RPS6KC1: variants seen among roughly 807,000 people sequenced by gnomAD.
RPS6KC1 encodes the protein ribosomal protein S6 kinase C1, also known as inactive ribosomal protein S6 kinase delta-1.
RPS6KC1 carries 54 observed loss-of-function variants against 103.8 expected under a neutral mutation model. That is an observed-to-expected ratio of 0.52 (90% CI 0.42 to 0.65). The LOEUF is 0.65. RPS6KC1 is among the 30% of genes least tolerant of loss of function. The pLI is 0.00. For synonymous variants in RPS6KC1, 439 were observed against 438.7 expected (o/e 1.00, Z -0.01); for missense variants, 1,151 against 1,253.8 (o/e 0.92, Z 1.24).
the RPS6KC1 span, among the ~76,000 whole-genome samples, chr1:213,356,106 G>A: frequency 6.6e-6 from 1 of 152,190 alleles, no homozygotes; most frequent in African/African-American, 2.4e-5. Context: ...AGATAGACGA[G>A]GTCCCTGAAT....
chr1:213,082,146 C>A (rs564249868), intron 3 of RPS6KC1, among the ~76,000 whole-genome samples: 60 of 152,000 alleles, frequency 3.9e-4, no homozygotes, highest in Admixed American at 7.9e-4. Context: ...TTGGGCCCGG[C>A]ACGGTGGCTC....
the RPS6KC1 span, among the ~76,000 whole-genome samples, chr1:213,373,754 T>A: frequency 0.17 from 26,061 of 152,190 alleles, 2,442 homozygotes; most frequent in Middle Eastern, 0.24. Flanking sequence ...AATAAAAAAG[T>A]AGCCTATTGC....
intron 5 of RPS6KC1, among the ~76,000 whole-genome samples, chr1:213,123,210 G>T (rs761824841): frequency 7.9e-5 from 12 of 152,090 alleles, no homozygotes; most frequent in Non-Finnish European, 1.3e-4. Flanking sequence ...AGACATATTT[G>T]GTATAGAAAA....
the RPS6KC1 span, among the ~76,000 whole-genome samples, chr1:213,728,596 G>A: frequency 1.3e-5 from 2 of 152,142 alleles, no homozygotes; most frequent in African/African-American, 2.4e-5. Context: ...TACTCTAAGA[G>A]GAAAAGTGAG....
At chr1:213,521,029 A>G in the RPS6KC1 span, among the ~76,000 whole-genome samples, 2 of 152,224 alleles carry the variant, frequency 1.3e-5, no homozygotes, top group Non-Finnish European at 2.9e-5. Flanking sequence ...TGATATGAAT[A>G]CACATTTTAA....
the RPS6KC1 span, among the ~76,000 whole-genome samples, chr1:213,511,200 T>C: frequency 6.6e-6 from 1 of 150,914 alleles, no homozygotes; most frequent in Non-Finnish European, 1.5e-5. Flanking sequence ...TTTTTAGAAA[T>C]AGGAATGGCT....
At chr1:213,338,200 C>T in the RPS6KC1 span, among the ~76,000 whole-genome samples, 4 of 152,186 alleles carry the variant, frequency 2.6e-5, no homozygotes, top group African/African-American at 4.8e-5. Flanking sequence ...TTGATCCTCA[C>T]ATCAAGTCCA....
the RPS6KC1 span, among the ~76,000 whole-genome samples, chr1:213,852,058 C>G: frequency 6.6e-6 from 1 of 152,194 alleles, no homozygotes; most frequent in Non-Finnish European, 1.5e-5. Context: ...GCCCACTGTT[C>G]TCTCTCCTTA....
intron 3 of RPS6KC1, among the ~76,000 whole-genome samples, chr1:213,092,659 A>G (rs2081081578): frequency 6.7e-6 from 1 of 150,218 alleles, no homozygotes; most frequent in Non-Finnish European, 1.5e-5. Flanking sequence ...GTGACAGAGC[A>G]AGACTCCATC....
chr1:213,257,278 T>A (rs1361887634), intron 12 of RPS6KC1, among the ~76,000 whole-genome samples: 2 of 152,108 alleles, frequency 1.3e-5, no homozygotes, highest in African/African-American at 4.8e-5. Flanking sequence ...GACCTTTTGC[T>A]GAATTTAAAA....
the RPS6KC1 span, among the ~76,000 whole-genome samples, chr1:213,281,608 T>C: frequency 6.6e-6 from 1 of 152,208 alleles, no homozygotes; most frequent in South Asian, 2.1e-4. Flanking sequence ...CTTGCTGGCA[T>C]TGGTAAATCT....
At chr1:213,713,865 A>C in the RPS6KC1 span, among the ~76,000 whole-genome samples, 1 of 152,220 alleles carries the variant, frequency 6.6e-6, no homozygotes, top group East Asian at 1.9e-4. Context: ...TGCACTCCTT[A>C]CTTTCCACAA....
At chr1:213,856,976 C>T in the RPS6KC1 span, among the ~76,000 whole-genome samples, 5 of 152,188 alleles carry the variant, frequency 3.3e-5, no homozygotes, top group South Asian at 4.1e-4. Context: ...AAACATGTAA[C>T]GCACATATAA....
At chr1:213,179,604 A>T (rs895724671) in intron 8 of RPS6KC1, among the ~76,000 whole-genome samples, 5 of 152,218 alleles carry the variant, frequency 3.3e-5, no homozygotes, top group African/African-American at 4.8e-5. Flanking sequence ...ATCTAGTCCT[A>T]CAGAACACAG....
In RPS6KC1 at chr1:213,085,791, T is replaced by C. The variant is rs933673063; in HGVS notation, c.262+7975T>C. On this transcript the variant is annotated intron_variant, in intron 3 of 14. Coordinates refer to ENST00000366960, the MANE Select transcript of RPS6KC1 (RefSeq NM_012424.6). ...CTAATTGATCTGGACTCACATATCT[T>C]TTTTTTCTAGTAGTTTAGAATGCAT... Among the ~76,000 whole-genome samples the C allele has an allele frequency of 2.6e-5, 4 of 152,318 alleles. No homozygotes were observed. In the South Asian group the frequency reaches 8.3e-4, roughly 32 times the overall value.
the RPS6KC1 span, among the ~76,000 whole-genome samples, chr1:213,417,988 C>T: frequency 1.7e-3 from 261 of 152,224 alleles, 1 homozygote; most frequent in Non-Finnish European, 2.5e-3. Context: ...TCAGGGGTCC[C>T]GGCCACATGC....
At chr1:213,375,046 T>C in the RPS6KC1 span, among the ~76,000 whole-genome samples, 2 of 151,134 alleles carry the variant, frequency 1.3e-5, no homozygotes, top group African/African-American at 4.9e-5. Flanking sequence ...TACACATACA[T>C]ACACACGTAC....
chr1:213,061,338 C>T (rs939676269), intron 1 of RPS6KC1, among the ~76,000 whole-genome samples: 1 of 152,142 alleles, frequency 6.6e-6, no homozygotes, highest in Non-Finnish European at 1.5e-5. Flanking sequence ...TCTTTCACTC[C>T]AGAGAACTAA....
chr1:213,631,197 C>G, the RPS6KC1 span, among the ~76,000 whole-genome samples: 1 of 152,076 alleles, frequency 6.6e-6, no homozygotes, highest in African/African-American at 2.4e-5. Context: ...GGCTCATGCT[C>G]TGTGTGCTGC....
Sources: allele counts gnomAD v4.1 joint callset (sites outside exome capture counted in the v4.1 genomes callset), GRCh38; gene constraint gnomAD v4.1.1; transcripts MANE v1.5; gene names NCBI Gene and HGNC (gene_info 2026-07-23, HGNC 2026-07-21).